DUSP16: variants seen among roughly 807,000 people sequenced by gnomAD.
DUSP16 encodes dual specificity protein phosphatase 16.
In DUSP16, 21 loss-of-function variants were observed where a neutral mutation model predicts 58.3. The observed-to-expected ratio is 0.36, with a 90% CI of 0.26 to 0.52. The LOEUF (loss-of-function observed/expected upper bound fraction) is 0.52. Among genes scored for constraint, DUSP16 ranks in the 20% least tolerant of loss-of-function variants. The pLI, the probability that DUSP16 is intolerant of heterozygous loss-of-function variation, is 0.94. For missense variants in DUSP16, 726 were observed against 819.0 expected (o/e 0.89, Z 1.39); for synonymous variants, 320 against 323.8 (o/e 0.99, Z 0.12).
chr12:12,545,474 G>T (rs1944628455), intron 1 of DUSP16, among the ~76,000 whole-genome samples: 1 of 148,500 alleles, frequency 6.7e-6, no homozygotes, highest in Non-Finnish European at 1.5e-5. Flanking sequence ...TAAAGACAAG[G>T]TTTCACCATG....
At chr12:12,480,987 G>C (rs1592162673) in intron 5 of DUSP16, among the ~76,000 whole-genome samples, 1 of 152,180 alleles carries the variant, frequency 6.6e-6, no homozygotes, top group Admixed American at 6.5e-5. Context: ...CCAAAGTGCT[G>C]GGATTACAGG....
rs561109527 is a variant in DUSP16 at position 12,524,977 on chromosome 12, T to C, written c.-365-3514A>G. ...ATCCTTCTTCTACCATTATCCTCCA[T>C]CTGCCTGGGTCCCAACCCTGCCCTC... On this transcript the variant is annotated intron_variant, in intron 1 of 6. Transcript: ENST00000298573. Among the ~76,000 whole-genome samples the C allele has an allele frequency of 3.9e-5, 6 of 152,326 alleles. No homozygotes were observed. In the South Asian group the frequency reaches 1.2e-3, roughly 32 times the overall value.
chr12:12,538,807 A>T (rs950416377), intron 1 of DUSP16, among the ~76,000 whole-genome samples: 2 of 152,226 alleles, frequency 1.3e-5, no homozygotes, highest in Admixed American at 1.3e-4. Flanking sequence ...CTGGGTCACC[A>T]TGAAAATACA....
chr12:12,527,784 T>C (rs996184528), intron 1 of DUSP16, among the ~76,000 whole-genome samples: 1 of 152,120 alleles, frequency 6.6e-6, no homozygotes, highest in Admixed American at 6.5e-5. Flanking sequence ...ATTTAGATGA[T>C]ACTAGACCTG....
chr12:12,505,041 G>A (rs972078862), intron 3 of DUSP16, among the ~76,000 whole-genome samples: 19 of 152,086 alleles, frequency 1.2e-4, no homozygotes, highest in African/African-American at 2.7e-4. Flanking sequence ...CACTTACTGC[G>A]TGACAAACAT....
At chr12:12,488,004 A>G (rs751342939) in intron 4 of DUSP16, among the ~76,000 whole-genome samples, 1 of 152,190 alleles carries the variant, frequency 6.6e-6, no homozygotes, top group Non-Finnish European at 1.5e-5. Flanking sequence ...TAACCAAAAA[A>G]GCCACCAGGA....
chr12:12,482,713 A>C lies in DUSP16; in HGVS notation c.692-2367T>G, dbSNP rs190068270. 2.4e-3 allele frequency among the ~76,000 whole-genome samples: 366 copies of C among 152,266 alleles called. 2 individuals carry two copies. The highest frequency in any genetic ancestry group is 7.5e-3 in the African/African-American group (313 of 41,538). ...TGAGGGTGGTGGGAATGTTAGGCTA[A>C]GGGCTACATTTGTTTTTTCAGACAG... On this transcript the variant is annotated intron_variant, in intron 5 of 6. Transcript: ENST00000298573.
intron 1 of DUSP16, among the ~76,000 whole-genome samples, chr12:12,526,557 A>G (rs17313592): frequency 0.064 from 9,673 of 152,320 alleles, 428 homozygotes; most frequent in Non-Finnish European, 0.093. Context: ...GTATAAAACC[A>G]GTATTTGCCA....
chr12:12,512,514 G>A (rs1398093992), intron 3 of DUSP16, among the ~76,000 whole-genome samples: 2 of 152,040 alleles, frequency 1.3e-5, no homozygotes, highest in African/African-American at 2.4e-5. Flanking sequence ...GGTAACCACC[G>A]TTCTACTGTT....
At chr12:12,545,304 G>T (rs1332104451) in intron 1 of DUSP16, among the ~76,000 whole-genome samples, 2 of 152,114 alleles carry the variant, frequency 1.3e-5, no homozygotes, top group Non-Finnish European at 2.9e-5. Flanking sequence ...CTGTCACCCA[G>T]GCTGGAGTGC....
In DUSP16 at chr12:12,477,858, C is replaced by T. The variant is rs771333805; in HGVS notation, c.973G>A (p.Ala325Thr). Residue 325 changes from alanine (A) to threonine (T), a missense_variant, in exon 7 of 7, where the codon GCT (alanine) becomes ACT (threonine). By Grantham distance (58) the Ala-to-Thr change is moderately conservative (BLOSUM62 0). Transcript: ENST00000298573. This position sits in a 1 kb window ranked among gnomAD's most constrained non-coding sequence, Gnocchi z 4.1. ...CTTTTCTGTCCACCCTCTGAGACAG[C>T]AGGGACAGGTTCATTTGGCTTCTCC... ...HLEKPNEPVP[A>T]VSEGGQKSET... is the part of the protein sequence containing the mutation. The T allele has an allele frequency of 6.2e-7, 1 of 1,614,134 alleles. No homozygotes were observed.
At chr12:12,498,444 T>G (rs1943863696) in intron 4 of DUSP16, among the ~76,000 whole-genome samples, 1 of 150,322 alleles carries the variant, frequency 6.7e-6, no homozygotes, top group Non-Finnish European at 1.5e-5. Context: ...AGATAGGGCT[T>G]TGCTCTGTCA....
chr12:12,541,395 G>A (rs531370738), intron 1 of DUSP16, among the ~76,000 whole-genome samples: 4 of 152,276 alleles, frequency 2.6e-5, no homozygotes, highest in South Asian at 4.1e-4. Context: ...AGAGGTACAG[G>A]CCTTGACAAG....
At chr12:12,481,044 A>G (rs1321979223) in intron 5 of DUSP16, among the ~76,000 whole-genome samples, 7 of 152,164 alleles carry the variant, frequency 4.6e-5, no homozygotes, top group Admixed American at 4.6e-4. Flanking sequence ...ACTTTTCTGT[A>G]TGTCATAAAA....
At chr12:12,548,933 T>C (rs1944688169) in intron 1 of DUSP16, among the ~76,000 whole-genome samples, 1 of 152,060 alleles carries the variant, frequency 6.6e-6, no homozygotes, top group Non-Finnish European at 1.5e-5. Context: ...TCCCTCAGCC[T>C]ATGAAAAGCA....
Position 12,521,165 on chromosome 12 carries a change from C to T in DUSP16, c.-67G>A. 1.9e-6 allele frequency: 3 copies of T among 1,563,906 alleles called. No homozygotes were observed. The highest frequency in any genetic ancestry group is 3.8e-5 in the Admixed American group (2 of 52,942). ...GCCACGATGATGTAATGGTGGTGTG[C>T]TCAAAGGCTCAGCCACTCCATTGTA... On this transcript the variant is annotated 5_prime_UTR_variant, in exon 2 of 7. Transcript: ENST00000298573.
intron 1 of DUSP16, 95 bp from the exon 2 acceptor site, chr12:12,521,558 C>T: frequency 4.7e-6 from 2 of 428,462 alleles, no homozygotes; most frequent in Non-Finnish European, 6.3e-6. Context: ...ATAATATTTA[C>T]TCCATTAATC....
chr12:12,558,673 C>T (rs1333445011), intron 1 of DUSP16, among the ~76,000 whole-genome samples: 1 of 152,144 alleles, frequency 6.6e-6, no homozygotes, highest in Non-Finnish European at 1.5e-5. Context: ...AGCCACCACG[C>T]CTGGCCTACA....
chr12:12,534,817 A>G (rs1421576647), intron 1 of DUSP16, among the ~76,000 whole-genome samples: 1 of 152,250 alleles, frequency 6.6e-6, no homozygotes, highest in African/African-American at 2.4e-5. Context: ...ACTCTAAAAA[A>G]AAGTTTTATT....
Sources: gnomAD v4.1 joint callset for allele counts (sites outside exome capture counted in the v4.1 genomes callset) on GRCh38, gnomAD v4.1.1 for gene constraint, Gnocchi (gnomAD v3.1) non-coding constraint, MANE v1.5 for transcripts, NCBI Gene and HGNC (gene_info 2026-07-23, HGNC 2026-07-21) for gene names.